Variants in NBEAL1 observed in about 807,000 individuals in gnomAD.
NBEAL1 encodes neurobeachin-like protein 1.
NBEAL1 carries 273 observed loss-of-function variants against 351.3 expected under a neutral mutation model. The observed-to-expected ratio is 0.78, with a 90% CI of 0.70 to 0.86. NBEAL1 has a LOEUF of 0.86. Ranked by LOEUF, NBEAL1 falls within the 40% of genes least tolerant of loss-of-function variation. NBEAL1 has a pLI of 0.00. For synonymous variants in NBEAL1, 1,050 were observed against 1,086.4 expected (o/e 0.97, Z 0.66); for missense variants, 2,961 against 3,201.3 (o/e 0.92, Z 1.81).
In NBEAL1 at chr2:203,199,449, T is replaced by C; in HGVS notation, c.7238+2T>C. 6.6e-7 allele frequency: 1 copy of C among 1,510,176 alleles called. No homozygotes were observed. The allele number at this position is 1,510,176 out of a possible 1,614,324, so 93.5% of individuals were successfully genotyped here. A position where few individuals can be genotyped will look rare whatever the true frequency, so the allele number is the denominator to read the frequency against. On this transcript the variant is annotated splice_donor_variant, in intron 49 of 55. Transcript: ENST00000683969. LOFTEE classifies it high-confidence loss of function. ...GGATCAAACTGTGACAAATCCAAAG[T>C]AAGTAAATGAATATGTAAAGCAAAA...
At position 203,190,471 on chromosome 2, in the gene NBEAL1, C is replaced by T. The variant is rs2065039019; in HGVS notation, c.6921+82C>T. On this transcript the variant is annotated intron_variant, in intron 46 of 55. Coordinates refer to ENST00000683969, the MANE Select transcript of NBEAL1 (RefSeq NM_001378026.1). Reference sequence around the variant, plus strand: ...CATAACAAAATATTGCAGTCAAGATCCATGTATATAGCCAGTTACTCTCAG... The same window carrying T: ...CATAACAAAATATTGCAGTCAAGATTCATGTATATAGCCAGTTACTCTCAG... 4.3e-6 allele frequency: 4 copies of T among 939,856 alleles called. 1 individual carries two copies. Among genetic ancestry groups the T allele is most frequent in the Non-Finnish European group, 3.3e-6 (2 of 607,394 alleles). The allele number at this position is 939,856 out of a possible 1,614,324, so 58.2% of individuals were successfully genotyped here.
At chr2:203,149,571 A>T (rs1482068609) in intron 34 of NBEAL1, among the ~76,000 whole-genome samples, 1 of 152,126 alleles carries the variant, frequency 6.6e-6, no homozygotes, top group Non-Finnish European at 1.5e-5. Flanking sequence ...ATGTGGTAAA[A>T]TGTACATAAA....
chr2:203,043,561 CA>C (rs943192217), intron 3 of NBEAL1, among the ~76,000 whole-genome samples: 1 of 151,738 alleles, frequency 6.6e-6, no homozygotes, highest in African/African-American at 2.4e-5. Flanking sequence ...GGCAACATGG[CA>C]AAACCCCGTT....
At chr2:203,175,581 G>A (rs370954756) in intron 42 of NBEAL1, among the ~76,000 whole-genome samples, 8 of 152,082 alleles carry the variant, frequency 5.3e-5, no homozygotes, top group Non-Finnish European at 8.8e-5. Context: ...AGGCATCACC[G>A]GAGAGTCAAA....
rs117378150 is a variant in NBEAL1 at position 203,097,828 on chromosome 2, T to C, written c.1185+195T>C. ...AAAGGATAAATATCTTGGTGGTTGA[T>C]ACAAACAATCAGTACCATTCCATTC... On this transcript the variant is annotated intron_variant, in intron 11 of 55. Transcript: ENST00000683969. Among the ~76,000 whole-genome samples the C allele has an allele frequency of 1.6e-3, 249 of 152,342 alleles. 9 individuals carry two copies. In the East Asian group the frequency reaches 0.046, roughly 28 times the overall value.
intron 4 of NBEAL1, among the ~76,000 whole-genome samples, chr2:203,055,965 G>A (rs908439608): frequency 6.6e-6 from 1 of 152,114 alleles, no homozygotes; most frequent in African/African-American, 2.4e-5. Context: ...TCCTTAAAAG[G>A]AAACCGTAAT....
intron 3 of NBEAL1, among the ~76,000 whole-genome samples, chr2:203,043,986 G>A (rs910243228): frequency 2.0e-5 from 3 of 152,124 alleles, no homozygotes; most frequent in African/African-American, 7.2e-5. Flanking sequence ...GAGTGCTACT[G>A]AAAAATTTTC....
chr2:203,073,111 T>C (rs953028299), intron 7 of NBEAL1, among the ~76,000 whole-genome samples: 2 of 152,186 alleles, frequency 1.3e-5, no homozygotes, highest in Admixed American at 1.3e-4. Flanking sequence ...GCTATATTGC[T>C]CAGGCTCATC....
Position 203,135,879 on chromosome 2 carries a change from A to C in NBEAL1, c.4016A>C (p.Lys1339Thr), listed in dbSNP as rs933188398. Residue 1339 changes from lysine (K) to threonine (T), a missense_variant, in exon 28 of 56, where the codon AAA (lysine) becomes ACA (threonine). Physicochemically the swap from Lys to Thr is moderately conservative, Grantham distance 78. Coordinates refer to ENST00000683969, the MANE Select transcript of NBEAL1 (RefSeq NM_001378026.1). ...TEDTKKNSDEKTDEEKITSFA... is the reference protein window; with the variant it reads ...TEDTKKNSDETTDEEKITSFA... ...GATACCAAGAAGAACTCTGATGAAAAAACAGATGAGGAAAAAATCACCTCT... is the reference window on the plus strand; with the variant it reads ...GATACCAAGAAGAACTCTGATGAAACAACAGATGAGGAAAAAATCACCTCT... 2.3e-5 allele frequency: 37 copies of C among 1,614,046 alleles called. No individual in the cohort carries two copies. The highest frequency in any genetic ancestry group is 3.1e-5 in the Non-Finnish European group (37 of 1,180,024).
rs574979712 is a variant in NBEAL1, at chr2:203,157,270, G to T, written c.5588-429G>T. Among the ~76,000 whole-genome samples, 155 of 152,130 alleles carry T rather than the reference G, an allele frequency of 1.0e-3. 1 individual carries two copies. The highest frequency in any genetic ancestry group is 1.5e-3 in the Admixed American group (23 of 15,288). On this transcript the variant is annotated intron_variant, in intron 35 of 55. Transcript: ENST00000683969. ...GTAAACACTTTCGCTCTTGGTCTGT[G>T]TATTATTTCCCAATTAAAGACAATT...
At chr2:203,084,191 C>T (rs1195473944) in intron 9 of NBEAL1, among the ~76,000 whole-genome samples, 1 of 151,886 alleles carries the variant, frequency 6.6e-6, no homozygotes, top group South Asian at 2.1e-4. Context: ...AGAAGTAAAA[C>T]GTTTTCATTA....
rs139978380 is a variant in NBEAL1 at position 203,197,751 on chromosome 2, T to C, written c.7128+360T>C. ...GGTGAAACCCTGTCTCTACTAAAAA[T>C]ACAAAAAATTAGAAAGGCGTGGAGG... On this transcript the variant is annotated intron_variant, in intron 48 of 55. Transcript: ENST00000683969. Among the ~76,000 whole-genome samples the C allele has an allele frequency of 8.6e-3, 1,306 of 151,936 alleles. 12 individuals are homozygous for C. Among genetic ancestry groups the C allele is most frequent in the Middle Eastern group, 0.027 (8 of 294 alleles).
At chr2:203,107,298 GTCTTTT>G (rs1391189185) in intron 12 of NBEAL1, 116 bp from the exon 13 acceptor site, 1 of 504,186 alleles carries the variant, frequency 2.0e-6, no homozygotes, top group Non-Finnish European at 3.5e-6. Context: ...GTGAATTCGT[GTCTTTT>G]TCTTTATTTA....
At chr2:203,170,805 C>A (rs1489159458) in intron 39 of NBEAL1, among the ~76,000 whole-genome samples, 1 of 152,168 alleles carries the variant, frequency 6.6e-6, no homozygotes, top group East Asian at 1.9e-4. Flanking sequence ...CTCAACTTGG[C>A]ACTCAAGAAC....
intron 51 of NBEAL1, among the ~76,000 whole-genome samples, chr2:203,208,245 C>A (rs112578173): frequency 1.9e-3 from 289 of 152,084 alleles, no homozygotes; most frequent in African/African-American, 6.5e-3. Flanking sequence ...ATGTTCATGC[C>A]ACCGCACTCC....
intron 2 of NBEAL1, among the ~76,000 whole-genome samples, chr2:203,024,991 C>T (rs1161382196): frequency 6.6e-6 from 1 of 152,114 alleles, no homozygotes; most frequent in South Asian, 2.1e-4. Flanking sequence ...TTAAATTCAA[C>T]AGACTTAAAA....
intron 29 of NBEAL1, among the ~76,000 whole-genome samples, chr2:203,137,478 G>A (rs1220829002): frequency 1.3e-5 from 2 of 152,118 alleles, no homozygotes; most frequent in East Asian, 3.8e-4. Flanking sequence ...CACAGGGCAA[G>A]ACTCTCTGTA....
Position 203,201,666 on chromosome 2 carries a change from G to A in NBEAL1, c.7362G>A (p.Val2454=), listed in dbSNP as rs747562903. 5.0e-6 allele frequency: 8 copies of A among 1,609,650 alleles called. No homozygotes were observed. The highest frequency in any genetic ancestry group is 2.2e-5 in the South Asian group (2 of 90,284). Residue 2454 remains valine (V), a synonymous_variant, in exon 50 of 56, where the codon GTG becomes GTA. Transcript: ENST00000683969. ...GATACTGGGATAATAGCATTCAAGT[G>A]ATGTCACTTACAAAAGGCAAAATTA... ...SAGYWDNSIQ[V]MSLTKGKIIS... is the part of the protein sequence containing the mutation.
intron 31 of NBEAL1, among the ~76,000 whole-genome samples, chr2:203,143,711 C>T (rs4673242): frequency 0.29 from 44,812 of 151,962 alleles, 7,206 homozygotes; most frequent in East Asian, 0.61. Flanking sequence ...CCATGGGTCT[C>T]TTGTGTTTCT....
Sources: gnomAD v4.1 joint callset for allele counts (sites outside exome capture counted in the v4.1 genomes callset) on GRCh38, gnomAD v4.1.1 for gene constraint, MANE v1.5 for transcripts, NCBI Gene and HGNC (gene_info 2026-07-23, HGNC 2026-07-21) for gene names.